The following MRTFB variants were observed in gnomAD, a reference collection of about 807,000 sequenced individuals.
MRTFB encodes the protein myocardin related transcription factor B.
A neutral mutation model predicts 104.2 loss-of-function variants in MRTFB; 29 were observed. The ratio of observed to expected loss-of-function variants is 0.28; its 90% confidence interval spans 0.21 to 0.38. MRTFB has a LOEUF of 0.38. Ranked by LOEUF, MRTFB falls within the 10% of genes least tolerant of loss-of-function variation. The probability of loss-of-function intolerance (pLI) is 1.00; values close to 1 mark genes in which losing one functional copy is unlikely to be tolerated. For synonymous variants in MRTFB, 535 were observed against 519.5 expected, an observed-to-expected ratio of 1.03 and a Z score of -0.41; for missense variants, 1,270 against 1,341.6, an observed-to-expected ratio of 0.95 and a Z score of 0.83.
chr16:14,047,815 C>T, the MRTFB span, among the ~76,000 whole-genome samples: 3 of 152,132 alleles, frequency 2.0e-5, no homozygotes, highest in East Asian at 1.9e-4. Flanking sequence ...AGATGAGATT[C>T]GGGTGGGGAC....
intron 9 of MRTFB, among the ~76,000 whole-genome samples, chr16:14,237,217 G>T (rs1214238532): frequency 6.6e-6 from 1 of 152,210 alleles, no homozygotes; most frequent in African/African-American, 2.4e-5. Context: ...ATTACCTAGG[G>T]TCTAAGTACA....
chr16:14,065,950 G>T, the MRTFB span, among the ~76,000 whole-genome samples: 4 of 152,022 alleles, frequency 2.6e-5, no homozygotes, highest in East Asian at 7.7e-4. Context: ...CTTGTCATTT[G>T]CTCCTCTTTT....
intron 3 of MRTFB, among the ~76,000 whole-genome samples, chr16:14,181,058 A>G (rs1009708316): frequency 2.6e-5 from 4 of 152,176 alleles, no homozygotes; most frequent in African/African-American, 9.7e-5. Context: ...GAAGTACTGT[A>G]TGTTCAGTAT....
chr16:14,182,792 A>C (rs2151016599), intron 3 of MRTFB, among the ~76,000 whole-genome samples: 1 of 152,362 alleles, frequency 6.6e-6, no homozygotes, highest in African/African-American at 2.4e-5. Flanking sequence ...AGAAACTGGG[A>C]GTTCACACTA....
chr16:14,176,165 G>A (rs747810549), intron 3 of MRTFB, among the ~76,000 whole-genome samples: 1 of 152,110 alleles, frequency 6.6e-6, no homozygotes, highest in Non-Finnish European at 1.5e-5. Flanking sequence ...AGTTTTTGTT[G>A]TCAGTTGATT....
chr16:14,239,234 A>G (rs1229001489), intron 9 of MRTFB, among the ~76,000 whole-genome samples: 1 of 152,246 alleles, frequency 6.6e-6, no homozygotes, highest in African/African-American at 2.4e-5. Flanking sequence ...CATCCCAATT[A>G]TATTAAAACA....
At chr16:14,129,817 C>T (rs1328149837) in intron 2 of MRTFB, among the ~76,000 whole-genome samples, 2 of 151,994 alleles carry the variant, frequency 1.3e-5, no homozygotes, top group Non-Finnish European at 2.9e-5. Context: ...CATATGTCTT[C>T]TTTAGTGAAA....
At chr16:14,023,554 T>C in the MRTFB span, among the ~76,000 whole-genome samples, 4 of 149,510 alleles carry the variant, frequency 2.7e-5, no homozygotes, top group Admixed American at 6.7e-5. Flanking sequence ...ATGAAAAGAG[T>C]AACAATATCG....
chr16:14,243,121 AAAG>A (rs1679349672), intron 10 of MRTFB, among the ~76,000 whole-genome samples: 1 of 152,242 alleles, frequency 6.6e-6, no homozygotes, highest in African/African-American at 2.4e-5. Context: ...ACACTGATTT[AAAG>A]AAAATGTTTT....
the MRTFB span, among the ~76,000 whole-genome samples, chr16:14,061,555 C>G: frequency 6.8e-6 from 1 of 146,152 alleles, no homozygotes; most frequent in Non-Finnish European, 1.5e-5. Flanking sequence ...TTCGGTCTGG[C>G]TCAAGGTCAT....
chr16:14,209,295 T>A (rs2041086827), intron 3 of MRTFB, among the ~76,000 whole-genome samples: 1 of 152,238 alleles, frequency 6.6e-6, no homozygotes, highest in African/African-American at 2.4e-5. Flanking sequence ...ATAAGTAATT[T>A]TTTTAAGCAT....
chr16:14,067,666 A>G (rs1048195082), upstream of MRTFB, among the ~76,000 whole-genome samples: 4 of 152,200 alleles, frequency 2.6e-5, no homozygotes, highest in African/African-American at 9.6e-5. Flanking sequence ...AGAGTCCTTT[A>G]TAAAGCAGAC....
chr16:14,253,426 C>T (rs578248215), intron 15 of MRTFB, among the ~76,000 whole-genome samples: 59 of 152,276 alleles, frequency 3.9e-4, no homozygotes, highest in African/African-American at 1.4e-3. Flanking sequence ...CCAGTTCTCC[C>T]GCTCCCGTGT....
At chr16:14,228,524 C>G (rs1386337072) in intron 8 of MRTFB, among the ~76,000 whole-genome samples, 2 of 150,882 alleles carry the variant, frequency 1.3e-5, no homozygotes. Flanking sequence ...TGCAGTGAGC[C>G]AAGATTGCGC....
At chr16:14,046,341 T>C in the MRTFB span, among the ~76,000 whole-genome samples, 19 of 152,080 alleles carry the variant, frequency 1.2e-4, no homozygotes, top group South Asian at 8.3e-4. Context: ...TATACATATA[T>C]ATTTTGTTGA....
At chr16:14,127,905 A>G (rs1294725884) in intron 2 of MRTFB, among the ~76,000 whole-genome samples, 2 of 32,226 alleles carry the variant, frequency 6.2e-5, no homozygotes, top group Non-Finnish European at 1.1e-4. Context: ...AACTGAATAT[A>G]TATATATATA....
At chr16:14,131,289 C>CTCAT (rs2037426387) in intron 2 of MRTFB, among the ~76,000 whole-genome samples, 1 of 152,144 alleles carries the variant, frequency 6.6e-6, no homozygotes. Context: ...GTGAGGCAAT[C>CTCAT]ACAATCTCAT....
intron 1 of MRTFB, among the ~76,000 whole-genome samples, chr16:14,076,024 A>G (rs2034024063): frequency 6.6e-6 from 1 of 152,062 alleles, no homozygotes. Flanking sequence ...TGTTTCCTAT[A>G]CATGTCTTTT....
the MRTFB span, among the ~76,000 whole-genome samples, chr16:13,998,291 A>C: frequency 6.6e-6 from 1 of 151,856 alleles, no homozygotes; most frequent in Admixed American, 6.6e-5. Context: ...CTGTGGCCTC[A>C]GTGAAATTTT....
Sources: gnomAD v4.1 joint callset for allele counts (sites outside exome capture counted in the v4.1 genomes callset) on GRCh38, gnomAD v4.1.1 for gene constraint, MANE v1.5 for transcripts, NCBI Gene and HGNC (gene_info 2026-07-23, HGNC 2026-07-21) for gene names.